Variants in KLHL11 observed in about 807,000 individuals in gnomAD.
KLHL11 encodes the protein kelch like family member 11.
Under a neutral mutation model 56.1 loss-of-function variants are expected in KLHL11, and 26 were observed. That is an observed-to-expected ratio of 0.46 (90% CI 0.34 to 0.64). The LOEUF (loss-of-function observed/expected upper bound fraction) is 0.64. Ranked by LOEUF, KLHL11 falls within the 30% of genes least tolerant of loss-of-function variation. The pLI, the probability that KLHL11 is intolerant of heterozygous loss-of-function variation, is 0.01. For synonymous variants in KLHL11, 338 were observed against 345.8 expected (o/e 0.98, Z 0.25); for missense variants, 627 against 919.4 (o/e 0.68, Z 4.11).
In KLHL11 at chr17:41,850,258, CA is replaced by C. The variant is rs1567872084; in HGVS notation, c.*3481del. On this transcript the variant is annotated 3_prime_UTR_variant, in exon 2 of 2. Transcript: ENST00000319121. ...TGATGTGAAATTACACATGTGAATTCAAAAATAAAAATTAGAAAATCAGGAA... is the reference window on the plus strand; with the variant it reads ...TGATGTGAAATTACACATGTGAATTCAAAATAAAAATTAGAAAATCAGGAA... 3 of 152,036 alleles carry C rather than the reference CA, an allele frequency of 2.0e-5. No homozygotes were observed. Among genetic ancestry groups the C allele is most frequent in the African/African-American group, 7.2e-5 (3 of 41,404 alleles). The allele number at this position is 152,036 out of a possible 1,614,324, so 9.4% of individuals were successfully genotyped here. A position where few individuals can be genotyped will look rare whatever the true frequency, so the allele number is the denominator to read the frequency against.
In KLHL11 at chr17:41,864,892, T is replaced by C; in HGVS notation, c.479A>G (p.Tyr160Cys). The C allele has an allele frequency of 6.2e-7, 1 of 1,606,770 alleles. No individual in the cohort carries two copies. Residue 160 changes from tyrosine (Y) to cysteine (C), a missense_variant, in exon 1 of 2, where the codon TAC (tyrosine) becomes TGC (cysteine). This residue lies in a region of KLHL11 where 150 missense variants were observed against 215.7 expected (regional missense o/e 0.70). Transcript: ENST00000319121. ...EPDTVEAVIEYMYTGRIRVST... is the reference protein window; with the variant it reads ...EPDTVEAVIECMYTGRIRVST... ...GACGCGGATGCGCCCGGTGTACATG[T>C]ACTCGATTACGGCTTCCACTGTGTC...
At chr17:41,863,997 T>A (rs782565305) in intron 1 of KLHL11, among the ~76,000 whole-genome samples, 13 of 152,216 alleles carry the variant, frequency 8.5e-5, no homozygotes, top group Non-Finnish European at 1.8e-4. Flanking sequence ...CTAAGTGCGA[T>A]AAGGAAAAGG....
intron 1 of KLHL11, among the ~76,000 whole-genome samples, chr17:41,860,121 A>G (rs573442975): frequency 2.0e-5 from 3 of 152,300 alleles, no homozygotes; most frequent in Non-Finnish European, 4.4e-5. Flanking sequence ...AAGACAAAGT[A>G]GAGTGGTATG....
intron 1 of KLHL11, among the ~76,000 whole-genome samples, chr17:41,864,347 C>A (rs560371066): frequency 6.6e-6 from 1 of 152,362 alleles, no homozygotes; most frequent in East Asian, 1.9e-4. Context: ...TCCACTAGAT[C>A]CAGCCTCACT....
At chr17:41,864,358 G>A (rs1555623325) in intron 1 of KLHL11, among the ~76,000 whole-genome samples, 3 of 152,180 alleles carry the variant, frequency 2.0e-5, no homozygotes. Flanking sequence ...CAGCCTCACT[G>A]GACTATATTT....
In KLHL11 at chr17:41,855,314, G is replaced by C; in HGVS notation, c.553C>G (p.Leu185Val). ...CCACAAAATTCTTTTAAACGAATGA[G>C]TAGGAACCTAAAATCAAGAAAAAGA... Reference protein sequence around the residue: ...EVLELADRFLLIRLKEFCGEF... With the variant: ...EVLELADRFLVIRLKEFCGEF... Residue 185 changes from leucine to valine, a missense_variant, in exon 2 of 2, where the codon CTC (leucine) becomes GTC (valine). This residue lies in a region of KLHL11 where 150 missense variants were observed against 215.7 expected (regional missense o/e 0.70). Coordinates refer to ENST00000319121, the MANE Select transcript of KLHL11 (RefSeq NM_018143.3). The C allele has an allele frequency of 6.5e-7, 1 of 1,542,566 alleles. No homozygotes were observed. The highest frequency in any genetic ancestry group is 1.4e-5 in the African/African-American group (1 of 72,536).
intron 1 of KLHL11, 35 bp from the exon 2 acceptor site, chr17:41,855,356 C>G: frequency 1.4e-6 from 2 of 1,453,528 alleles, no homozygotes; most frequent in East Asian, 2.3e-5. Flanking sequence ...ATTAATTTTT[C>G]AAATGTGCAT....
rs782178444 is a variant in KLHL11 at position 41,855,081 on chromosome 17, A to C, written c.786T>G (p.Ser262=). Residue 262 remains serine (S), a synonymous_variant, in exon 2 of 2, where the codon TCT becomes TCG. Transcript: ENST00000319121. ...AAACGGTTTCAAAGAGAACCTCTTCAGAATCAACTGTAATTTCCAAATCTG... is the reference window on the plus strand; with the variant it reads ...AAACGGTTTCAAAGAGAACCTCTTCCGAATCAACTGTAATTTCCAAATCTG... The part of the protein sequence containing the change: ...WLSDLEITVD[S]EEVLFETVLK... The C allele has an allele frequency of 7.4e-6, 12 of 1,614,074 alleles. No individual in the cohort carries two copies. The East Asian group carries it at 2.2e-4, about 30-fold the overall frequency.
Position 41,851,772 on chromosome 17 carries a change from G to A in KLHL11, c.*1968C>T, listed in dbSNP as rs1373313964. Among the ~76,000 whole-genome samples, 1 of 151,706 alleles carries A rather than the reference G, an allele frequency of 6.6e-6. No individual in the cohort carries two copies. Among genetic ancestry groups the A allele is most frequent in the Non-Finnish European group, 1.5e-5 (1 of 67,960 alleles). On this transcript the variant is annotated 3_prime_UTR_variant, in exon 2 of 2. Coordinates refer to ENST00000319121, the MANE Select transcript of KLHL11 (RefSeq NM_018143.3). ...AATACAAAAAAAAAATTAGCTGGGCGTGGTGGCGCGTGCCCATAGTCCCAG... is the reference window on the plus strand; with the variant it reads ...AATACAAAAAAAAAATTAGCTGGGCATGGTGGCGCGTGCCCATAGTCCCAG...
rs1555622171 is a variant in KLHL11, at chr17:41,853,655, C to T, written c.*85G>A. On this transcript the variant is annotated 3_prime_UTR_variant, in exon 2 of 2. Transcript: ENST00000319121. Reference sequence around the variant, plus strand: ...TCAGTTCATGTAGAAAATAAGTTATCGACATACTTTTTTAAATAACAGCCT... The same window carrying T: ...TCAGTTCATGTAGAAAATAAGTTATTGACATACTTTTTTAAATAACAGCCT... 11 of 1,455,340 alleles carry T rather than the reference C, an allele frequency of 7.6e-6. No individual in the cohort carries two copies. Among genetic ancestry groups the T allele is most frequent in the African/African-American group, 2.8e-5 (2 of 70,706 alleles). The allele number at this position is 1,455,340 out of a possible 1,614,324, so 90.2% of individuals were successfully genotyped here. A position where few individuals can be genotyped will look rare whatever the true frequency, so the allele number is the denominator to read the frequency against.
rs2048343781 is a variant in KLHL11, at chr17:41,853,567, T to C, written c.*173A>G. On this transcript the variant is annotated 3_prime_UTR_variant, in exon 2 of 2. Coordinates refer to ENST00000319121, the MANE Select transcript of KLHL11 (RefSeq NM_018143.3). ...AAATTGCAAGCTAACAAAATGACCA[T>C]GTATTGAACTGAGTCTCCCATTCTT... 4.7e-6 allele frequency: 3 copies of C among 643,880 alleles called. No homozygotes were observed. The highest frequency in any genetic ancestry group is 3.4e-5 in the South Asian group (1 of 29,796). The allele number at this position is 643,880 out of a possible 1,614,324, so 39.9% of individuals were successfully genotyped here. A position where few individuals can be genotyped will look rare whatever the true frequency, so the allele number is the denominator to read the frequency against.
At position 41,851,917 on chromosome 17, in the gene KLHL11, CAAAA is replaced by C. The variant is rs199666907; in HGVS notation, c.*1819_*1822del. On this transcript the variant is annotated 3_prime_UTR_variant, in exon 2 of 2. Transcript: ENST00000319121. The stretch of plus-strand genomic sequence containing the variant: ...CAAAGTGGGACCCCATCCCCTGGCC[CAAAA>C]AAAAAAAAAAGTCAATTTGAGTGCT... 8.3e-6 allele frequency among the ~76,000 whole-genome samples: 1 copy of C among 120,274 alleles called. No individual in the cohort carries two copies. Among genetic ancestry groups the C allele is most frequent in the Admixed American group, 8.4e-5 (1 of 11,854 alleles). 78.9% of individuals were successfully genotyped at this position (120,274 alleles called of 152,430 possible). A position where few individuals can be genotyped will look rare whatever the true frequency, so the allele number is the denominator to read the frequency against.
In KLHL11 at chr17:41,851,795, CA is replaced by C. The variant is rs2048333438; in HGVS notation, c.*1944del. ...GCGTGGTGGCGCGTGCCCATAGTCCCAGCTACTCCGTATGCTGAGGTGGCAG... is the reference window on the plus strand; with the variant it reads ...GCGTGGTGGCGCGTGCCCATAGTCCCGCTACTCCGTATGCTGAGGTGGCAG... On this transcript the variant is annotated 3_prime_UTR_variant, in exon 2 of 2. Transcript: ENST00000319121. 6.6e-6 allele frequency among the ~76,000 whole-genome samples: 1 copy of C among 151,624 alleles called. No individual in the cohort carries two copies. The highest frequency in any genetic ancestry group is 1.5e-5 in the Non-Finnish European group (1 of 67,936).
At chr17:41,856,485 T>C (rs1335317723) in intron 1 of KLHL11, among the ~76,000 whole-genome samples, 1 of 152,006 alleles carries the variant, frequency 6.6e-6, no homozygotes, top group Non-Finnish European at 1.5e-5. Context: ...CATATGGAAA[T>C]AGTTAGATTA....
At chr17:41,863,608 T>C (rs1008321985) in intron 1 of KLHL11, among the ~76,000 whole-genome samples, 1 of 152,188 alleles carries the variant, frequency 6.6e-6, no homozygotes, top group Non-Finnish European at 1.5e-5. Context: ...CCACAGGCCA[T>C]CAAGGCCCTA....
chr17:41,852,066 T>C lies in KLHL11; in HGVS notation c.*1674A>G, dbSNP rs2048335258. Among the ~76,000 whole-genome samples, 1 of 152,154 alleles carries C rather than the reference T, an allele frequency of 6.6e-6. No homozygotes were observed. Among genetic ancestry groups the C allele is most frequent in the Non-Finnish European group, 1.5e-5 (1 of 68,028 alleles). ...GACACCGTCTCTCTGTCACCCAAGG[T>C]AGAGTGGCATGATCACAGCTCATTT... On this transcript the variant is annotated 3_prime_UTR_variant, in exon 2 of 2. Coordinates refer to ENST00000319121, the MANE Select transcript of KLHL11 (RefSeq NM_018143.3).
chr17:41,854,037 A>G lies in KLHL11; in HGVS notation c.1830T>C (p.Asp610=), dbSNP rs2144151936. ...TTTTCCAGCCTCCTATAATGAAGAC[A>G]TCATCTTTGTAATAGCAAATGGCTG... ...EGAAICYYKD[D]VFIIGGWKNS... The change falls in exon 2 of 2, where the codon GAT becomes GAC. Residue 610 remains aspartate (D), a synonymous_variant. Transcript: ENST00000319121. This position sits in a 1 kb window ranked among gnomAD's most constrained non-coding sequence, Gnocchi z 4.9. 1.2e-6 allele frequency: 2 copies of G among 1,614,166 alleles called. No homozygotes were observed. The highest frequency in any genetic ancestry group is 2.2e-5 in the East Asian group (1 of 44,892).
Position 41,853,903 on chromosome 17 carries a change from G to A in KLHL11, c.1964C>T (p.Thr655Ile). ...GTATGGGATCCTCACGTGACAAGCA[G>A]TGGCTCTACAACGAGGTTGTGGCAT... Reference protein sequence around the residue: ...PPMPQPRCRATACHVRIPYRY... With the variant: ...PPMPQPRCRAIACHVRIPYRY... The change falls in exon 2 of 2, where the codon ACT (threonine) becomes ATT (isoleucine). Residue 655 changes from threonine (T) to isoleucine (I), a missense_variant. Around this residue, in one of 4 missense-constraint regions of KLHL11, gnomAD observed 250 missense variants for 360.6 expected, o/e 0.69. Coordinates refer to ENST00000319121, the MANE Select transcript of KLHL11 (RefSeq NM_018143.3). The A allele has an allele frequency of 6.2e-7, 1 of 1,614,218 alleles. No homozygotes were observed. The highest frequency in any genetic ancestry group is 8.5e-7 in the Non-Finnish European group (1 of 1,180,044).
rs535310560 is a variant in KLHL11 at position 41,851,736 on chromosome 17, T to C, written c.*2004A>G. On this transcript the variant is annotated 3_prime_UTR_variant, in exon 2 of 2. Coordinates refer to ENST00000319121, the MANE Select transcript of KLHL11 (RefSeq NM_018143.3). Reference sequence around the variant, plus strand: ...GCCTCGGCAACATGGAGAAACCCCATCTCTACCAAAAATACAAAAAAAAAA... The same window carrying C: ...GCCTCGGCAACATGGAGAAACCCCACCTCTACCAAAAATACAAAAAAAAAA... 1.3e-5 allele frequency among the ~76,000 whole-genome samples: 2 copies of C among 150,630 alleles called. No individual in the cohort carries two copies. The highest frequency in any genetic ancestry group is 2.4e-5 in the African/African-American group (1 of 40,834).
Sources: gnomAD v4.1 joint callset for allele counts (sites outside exome capture counted in the v4.1 genomes callset) on GRCh38, gnomAD v4.1.1 for gene constraint, gnomAD v4.1.1 regional missense constraint, Gnocchi (gnomAD v3.1) non-coding constraint, MANE v1.5 for transcripts, NCBI Gene and HGNC (gene_info 2026-07-23, HGNC 2026-07-21) for gene names.